Variants in GABBR2 observed in about 807,000 individuals in gnomAD.
The protein encoded by GABBR2 is G-protein coupled receptor 51.
A neutral mutation model predicts 105.6 loss-of-function variants in GABBR2; 23 were observed. The observed-to-expected ratio is 0.22, with a 90% CI of 0.16 to 0.31. The LOEUF (loss-of-function observed/expected upper bound fraction) is 0.31. Ranked by LOEUF, GABBR2 falls within the 10% of genes least tolerant of loss-of-function variation. The probability of loss-of-function intolerance (pLI) is 1.00; values close to 1 mark genes in which losing one functional copy is unlikely to be tolerated. For missense variants in GABBR2, 734 were observed against 1,245.5 expected (o/e 0.59, Z 6.18); for synonymous variants, 478 against 499.7 (o/e 0.96, Z 0.58).
intron 6 of GABBR2, among the ~76,000 whole-genome samples, chr9:98,472,899 CA>C (rs532427960): frequency 2.0e-5 from 3 of 152,242 alleles, no homozygotes; most frequent in African/African-American, 7.2e-5. Flanking sequence ...TATATGTATA[CA>C]TAACATGTGT....
chr9:98,401,761 A>G (rs1229006554), intron 8 of GABBR2, among the ~76,000 whole-genome samples: 1 of 152,224 alleles, frequency 6.6e-6, no homozygotes, highest in African/African-American at 2.4e-5. Context: ...TAGCCCTGAA[A>G]GTATTCTAGT....
At chr9:98,530,598 T>C (rs997558845) in intron 3 of GABBR2, among the ~76,000 whole-genome samples, 1 of 152,162 alleles carries the variant, frequency 6.6e-6, no homozygotes, top group African/African-American at 2.4e-5. Context: ...GGCAACAAAA[T>C]GAGACTCTGT....
chr9:98,485,675 GC>G (rs148887557), intron 4 of GABBR2, among the ~76,000 whole-genome samples: 1,569 of 152,296 alleles, frequency 0.01, 30 homozygotes, highest in African/African-American at 0.036. Context: ...CAGTCCGTCA[GC>G]CCCACCCTGG....
chr9:98,330,155 C>T (rs1018994481), intron 13 of GABBR2, among the ~76,000 whole-genome samples: 1 of 152,176 alleles, frequency 6.6e-6, no homozygotes, highest in East Asian at 1.9e-4. Flanking sequence ...AGCTGCCAGA[C>T]CCAACCAATT....
At chr9:98,380,804 C>G (rs1831960018) in intron 11 of GABBR2, among the ~76,000 whole-genome samples, 2 of 152,120 alleles carry the variant, frequency 1.3e-5, no homozygotes, top group African/African-American at 4.8e-5. Flanking sequence ...ACACACGCAC[C>G]CACCCTCGTC....
At chr9:98,626,177 A>G (rs1829734014) in intron 1 of GABBR2, among the ~76,000 whole-genome samples, 2 of 152,232 alleles carry the variant, frequency 1.3e-5, no homozygotes, top group South Asian at 4.1e-4. Flanking sequence ...CATTTATAGG[A>G]AACGTCCAGA....
chr9:98,407,630 A>T (rs1050985647), intron 7 of GABBR2, among the ~76,000 whole-genome samples: 2 of 150,316 alleles, frequency 1.3e-5, no homozygotes, highest in East Asian at 1.9e-4. Context: ...ACAAGGAGAA[A>T]TTTTTTTTTT....
chr9:98,683,703 T>G (rs567386278), intron 1 of GABBR2, among the ~76,000 whole-genome samples: 4 of 151,562 alleles, frequency 2.6e-5, no homozygotes. Context: ...ACAACCTGCA[T>G]GTTCGACAAC....
chr9:98,658,506 T>G (rs1571928), intron 1 of GABBR2, among the ~76,000 whole-genome samples: 141,374 of 152,080 alleles, frequency 0.93, 65,844 homozygotes, highest in African/African-American at 0.97. Flanking sequence ...ATGCCCTATA[T>G]CAGTCTCCAC....
intron 1 of GABBR2, among the ~76,000 whole-genome samples, chr9:98,646,705 T>C (rs146722730): frequency 6.6e-6 from 1 of 152,302 alleles, no homozygotes; most frequent in African/African-American, 2.4e-5. Context: ...CTTCCTCATA[T>C]GTTACAACAG....
At chr9:98,697,352 G>A (rs761391383) in intron 1 of GABBR2, among the ~76,000 whole-genome samples, 2 of 152,166 alleles carry the variant, frequency 1.3e-5, no homozygotes, top group African/African-American at 2.4e-5. Flanking sequence ...TTAGCCGGGC[G>A]TGGTGGCGGG....
intron 1 of GABBR2, among the ~76,000 whole-genome samples, chr9:98,664,994 T>A (rs931603193): frequency 6.6e-6 from 1 of 151,904 alleles, no homozygotes; most frequent in African/African-American, 2.4e-5. Flanking sequence ...TAGCCAGGCA[T>A]GGTGGCATGT....
chr9:98,344,011 A>G (rs1161141103), intron 13 of GABBR2, among the ~76,000 whole-genome samples: 1 of 152,142 alleles, frequency 6.6e-6, no homozygotes, highest in African/African-American at 2.4e-5. Context: ...CACTTTCTTC[A>G]TTTGGTTTCC....
In GABBR2 at chr9:98,650,039, G is replaced by A. The variant is rs533663136; in HGVS notation, c.321+58378C>T. 1.8e-3 allele frequency among the ~76,000 whole-genome samples: 281 copies of A among 152,282 alleles called. 2 individuals are homozygous for A. Among genetic ancestry groups the A allele is most frequent in the African/African-American group, 6.6e-3 (273 of 41,546 alleles). On this transcript the variant is annotated intron_variant, in intron 1 of 18. Transcript: ENST00000259455. ...GTCTCTCCTTCCATTACTGTTCCCTGACATTCACAAGATATGTTACTCATT... is the reference window on the plus strand; with the variant it reads ...GTCTCTCCTTCCATTACTGTTCCCTAACATTCACAAGATATGTTACTCATT...
chr9:98,706,109 C>CAAAAAAAAAAAAAAAAAAAAAAAAA (rs3983388), intron 1 of GABBR2, among the ~76,000 whole-genome samples: 2 of 136,998 alleles, frequency 1.5e-5, no homozygotes, highest in African/African-American at 2.8e-5. Flanking sequence ...ACAAAAAAAA[C>CAAAAAAAAAAAAAAAAAAAAAAAAA]AAAAAAAAAA....
chr9:98,559,310 A>G (rs1564114259), intron 2 of GABBR2, among the ~76,000 whole-genome samples: 2 of 152,230 alleles, frequency 1.3e-5, no homozygotes, highest in Admixed American at 1.3e-4. Context: ...TTGTATTTTT[A>G]GTAGAGATGG....
chr9:98,363,007 C>T (rs561731169), intron 12 of GABBR2, among the ~76,000 whole-genome samples, 170 bp from the exon 13 acceptor site: 98 of 152,154 alleles, frequency 6.4e-4, no homozygotes, highest in Admixed American at 2.0e-3. Context: ...CTCTGTGTGA[C>T]ATTCAAGGCC....
At chr9:98,531,922 T>A (rs193056347) in intron 3 of GABBR2, among the ~76,000 whole-genome samples, 126 of 152,252 alleles carry the variant, frequency 8.3e-4, no homozygotes, top group South Asian at 1.7e-3. Context: ...ATCCCAGTGG[T>A]CCCCAAACTT....
intron 7 of GABBR2, among the ~76,000 whole-genome samples, chr9:98,446,090 T>C (rs1826123215): frequency 6.6e-6 from 1 of 152,198 alleles, no homozygotes; most frequent in Non-Finnish European, 1.5e-5. Flanking sequence ...TCTGTGTGGA[T>C]AGTAAACCAC....
Sources: gnomAD v4.1 joint callset for allele counts (sites outside exome capture counted in the v4.1 genomes callset) on GRCh38, gnomAD v4.1.1 for gene constraint, MANE v1.5 for transcripts, NCBI Gene and HGNC (gene_info 2026-07-23, HGNC 2026-07-21) for gene names.